Variants in TSHZ2 observed in about 807,000 individuals in gnomAD.
TSHZ2 encodes the protein teashirt homolog 2.
Under a neutral mutation model 74.4 loss-of-function variants are expected in TSHZ2, and 21 were observed. The ratio of observed to expected loss-of-function variants is 0.28; its 90% CI spans 0.20 to 0.41. The LOEUF (loss-of-function observed/expected upper bound fraction) is 0.41. Ranked by LOEUF, TSHZ2 falls within the 10% of genes least tolerant of loss-of-function variation. The probability of loss-of-function intolerance (pLI) is 1.00; values close to 1 mark genes in which losing one functional copy is unlikely to be tolerated. For synonymous variants in TSHZ2, 540 were observed against 515.3 expected, an observed-to-expected ratio of 1.05 and a Z score of -0.65; for missense variants, 1,244 against 1,293.5, an observed-to-expected ratio of 0.96 and a Z score of 0.59.
intron 2 of TSHZ2, among the ~76,000 whole-genome samples, chr20:53,391,876 G>A (rs552232042): frequency 1.3e-5 from 2 of 152,318 alleles, no homozygotes; most frequent in African/African-American, 4.8e-5. Context: ...CTGGGAGGCA[G>A]AGGTTGCAGT....
intron 2 of TSHZ2, chr20:53,455,249 C>T (rs1262363024): frequency 5.3e-5 from 8 of 152,330 alleles, no homozygotes; most frequent in African/African-American, 1.9e-4. Context: ...GTCTTCACAG[C>T]ACTCACCTCA....
At chr20:53,284,856 T>C (rs964076439) in intron 2 of TSHZ2, among the ~76,000 whole-genome samples, 2 of 152,146 alleles carry the variant, frequency 1.3e-5, no homozygotes, top group African/African-American at 4.8e-5. Context: ...CTGGCAATTA[T>C]GTTCTGTCTT....
chr20:52,976,147 T>C (rs1420522194), intron 1 of TSHZ2, among the ~76,000 whole-genome samples: 2 of 152,252 alleles, frequency 1.3e-5, no homozygotes, highest in African/African-American at 4.8e-5. Flanking sequence ...AACTTTCTAC[T>C]AAAGCAGGTA....
In TSHZ2 at chr20:53,029,483, A is replaced by G. The variant is rs575940860; in HGVS notation, c.40+56150A>G. ...CTGAGGTCAGGAGTTCGAGACCAGC[A>G]TGGCCAACATGGTGAAACCCCGTCT... is the stretch of plus-strand genomic sequence containing the variant. On this transcript the variant is annotated intron_variant, in intron 1 of 2. Transcript: ENST00000371497. Among the ~76,000 whole-genome samples the G allele has an allele frequency of 6.6e-5, 10 of 152,236 alleles. No homozygotes were observed. The East Asian group carries it at 1.9e-3, about 29-fold the overall frequency.
intron 2 of TSHZ2, among the ~76,000 whole-genome samples, chr20:53,347,808 T>A (rs1016298393): frequency 2.6e-5 from 4 of 152,234 alleles, no homozygotes; most frequent in African/African-American, 9.6e-5. Flanking sequence ...TTTACTTTAA[T>A]TATGGTAAAA....
chr20:53,139,276 G>C (rs1987329191), intron 1 of TSHZ2, among the ~76,000 whole-genome samples: 1 of 152,184 alleles, frequency 6.6e-6, no homozygotes, highest in Non-Finnish European at 1.5e-5. Flanking sequence ...TCACCTGCTA[G>C]TACAGGGTCT....
chr20:53,356,261 G>T (rs1240225201), intron 2 of TSHZ2, among the ~76,000 whole-genome samples: 1 of 152,112 alleles, frequency 6.6e-6, no homozygotes, highest in Non-Finnish European at 1.5e-5. Flanking sequence ...TATGAGTAAG[G>T]AAAGTGAGAT....
intron 2 of TSHZ2, among the ~76,000 whole-genome samples, chr20:53,424,188 A>G (rs1983580951): frequency 1.3e-5 from 2 of 152,230 alleles, no homozygotes; most frequent in South Asian, 4.1e-4. Context: ...GGTTATGTGT[A>G]GGATGTTTGC....
intron 1 of TSHZ2, among the ~76,000 whole-genome samples, chr20:53,238,032 A>G (rs1487084813): frequency 2.0e-5 from 3 of 152,134 alleles, no homozygotes; most frequent in African/African-American, 4.8e-5. Context: ...AATATTTGCT[A>G]TCTAGAAATA....
In TSHZ2 at chr20:52,998,023, G is replaced by C. The variant is rs113392867; in HGVS notation, c.40+24690G>C. 1.2e-3 allele frequency among the ~76,000 whole-genome samples: 185 copies of C among 152,264 alleles called. 1 individual carries two copies. Among genetic ancestry groups the C allele is most frequent in the African/African-American group, 4.0e-3 (166 of 41,546 alleles). On this transcript the variant is annotated intron_variant, in intron 1 of 2. Transcript: ENST00000371497. ...ATCTGCATTTTCAGAGGATGCTCAG[G>C]GGGGGATTCGTGAGCACGTTGAGAT... is the stretch of plus-strand genomic sequence containing the variant.
chr20:53,452,894 T>C (rs988905383), intron 2 of TSHZ2, among the ~76,000 whole-genome samples: 5 of 152,202 alleles, frequency 3.3e-5, no homozygotes, highest in Admixed American at 6.5e-5. Context: ...ATATCCTCCA[T>C]TGACTAGAAG....
rs1040849957 is a variant in TSHZ2, at chr20:53,140,025, G to A, written c.41-113474G>A. ...TTCTCAGTCCTTCATTAATTCGTTC[G>A]ACAAATATTTACTGAGCACCTACGC... On this transcript the variant is annotated intron_variant, in intron 1 of 2. Transcript: ENST00000371497. Among the ~76,000 whole-genome samples, 4 of 151,860 alleles carry A rather than the reference G, an allele frequency of 2.6e-5. No homozygotes were observed. The South Asian group carries it at 6.2e-4, about 24-fold the overall frequency.
At chr20:53,341,729 G>C (rs1326049280) in intron 2 of TSHZ2, among the ~76,000 whole-genome samples, 1 of 151,962 alleles carries the variant, frequency 6.6e-6, no homozygotes, top group Non-Finnish European at 1.5e-5. Flanking sequence ...GTGCGGGCTG[G>C]GGGGACAGAG....
chr20:53,286,453 G>A (rs1991167734), intron 2 of TSHZ2, among the ~76,000 whole-genome samples: 1 of 152,194 alleles, frequency 6.6e-6, no homozygotes, highest in Admixed American at 6.5e-5. Context: ...TCCCTAGTAA[G>A]GGTATGATGA....
intron 2 of TSHZ2, among the ~76,000 whole-genome samples, chr20:53,300,428 T>C (rs898050416): frequency 1.3e-5 from 2 of 152,204 alleles, no homozygotes; most frequent in African/African-American, 4.8e-5. Context: ...TGGTAGTTGC[T>C]CAAACTTCTT....
At chr20:53,286,063 G>A (rs1391938459) in intron 2 of TSHZ2, among the ~76,000 whole-genome samples, 3 of 152,140 alleles carry the variant, frequency 2.0e-5, no homozygotes, top group African/African-American at 7.2e-5. Flanking sequence ...GAGTGCAGTT[G>A]TTGTAGCATT....
At chr20:53,161,469 C>A (rs1173416772) in intron 1 of TSHZ2, among the ~76,000 whole-genome samples, 2 of 152,120 alleles carry the variant, frequency 1.3e-5, no homozygotes, top group East Asian at 1.9e-4. Flanking sequence ...AAAAATACTA[C>A]CTGAGACTGG....
intron 1 of TSHZ2, among the ~76,000 whole-genome samples, chr20:52,980,690 A>G (rs1019309293): frequency 2.0e-5 from 3 of 152,232 alleles, no homozygotes; most frequent in African/African-American, 7.2e-5. Context: ...CAGCCATTCT[A>G]TTTGTAATGA....
intron 1 of TSHZ2, among the ~76,000 whole-genome samples, chr20:53,148,316 G>C (rs1031039234): frequency 2.0e-4 from 30 of 152,118 alleles, no homozygotes. Context: ...GAAACAACTA[G>C]GGTGGGGAAG....
Sources: allele counts gnomAD v4.1 joint callset (sites outside exome capture counted in the v4.1 genomes callset), GRCh38; gene constraint gnomAD v4.1.1; transcripts MANE v1.5; gene names NCBI Gene and HGNC (gene_info 2026-07-23, HGNC 2026-07-21).